Variants in PLS3 observed in about 807,000 individuals in gnomAD.
PLS3 encodes plastin 3, also known as plastin-3.
Under a neutral mutation model 46.5 loss-of-function variants are expected in PLS3, and 11 were observed. The ratio of observed to expected loss-of-function variants is 0.24; its 90% CI spans 0.15 to 0.39. PLS3 has a LOEUF of 0.39. Ranked by LOEUF, PLS3 falls within the 10% of genes least tolerant of loss-of-function variation. The pLI, the probability that PLS3 is intolerant of heterozygous loss-of-function variation, is 1.00. For synonymous variants in PLS3, 167 were observed against 162.2 expected (o/e 1.03, Z -0.22); for missense variants, 308 against 461.8 (o/e 0.67, Z 3.05).
chrX:115,618,943 G>A (rs2074622582), intron 2 of PLS3, among the ~76,000 whole-genome samples: 2 of 112,261 alleles, frequency 1.8e-5, no homozygotes, highest in African/African-American at 3.2e-5. Flanking sequence ...AGTGGACAAC[G>A]TTTTGATAGT....
chrX:115,577,807 A>G (rs781908713), intron 1 of PLS3, among the ~76,000 whole-genome samples: 1 of 111,321 alleles, frequency 9.0e-6, no homozygotes, highest in South Asian at 3.8e-4. Flanking sequence ...ACTGGATTTT[A>G]TCATTCTCAG....
At chrX:115,594,767 G>A (rs781995039) in intron 1 of PLS3, among the ~76,000 whole-genome samples, 2 of 109,922 alleles carry the variant, frequency 1.8e-5, no homozygotes, top group Non-Finnish European at 3.8e-5. Flanking sequence ...AAAGGAAACT[G>A]GTGGAAATAC....
At chrX:115,638,848 G>GACTA (rs1158321278) in intron 8 of PLS3, among the ~76,000 whole-genome samples, 1 of 109,267 alleles carries the variant, frequency 9.2e-6, no homozygotes, top group Non-Finnish European at 1.9e-5. Context: ...GAGTAGCTAG[G>GACTA]ACTACAGGCA....
chrX:115,645,418 G>A (rs911482682), intron 11 of PLS3, among the ~76,000 whole-genome samples: 1 of 110,352 alleles, frequency 9.1e-6, no homozygotes, highest in Non-Finnish European at 1.9e-5. Flanking sequence ...GCTTCAGTGA[G>A]CTATGGTTGT....
chrX:115,618,795 G>A (rs6643989), intron 2 of PLS3, among the ~76,000 whole-genome samples: 5,379 of 110,769 alleles, frequency 0.049, 153 homozygotes, highest in African/African-American at 0.1. Context: ...GGAGGCTGAG[G>A]CAGGAGAATC....
At chrX:115,615,487 CAGAGAGAGAGAG>C (rs72382307) in intron 2 of PLS3, among the ~76,000 whole-genome samples, 193 of 73,759 alleles carry the variant, frequency 2.6e-3, no homozygotes, top group Non-Finnish European at 3.2e-3. Flanking sequence ...CACGTGTCAT[CAGAGAGAGAGAG>C]AGAGAGAGAG....
intron 1 of PLS3, among the ~76,000 whole-genome samples, chrX:115,589,730 A>C (rs1422906195): frequency 8.9e-6 from 1 of 112,072 alleles, no homozygotes; most frequent in African/African-American, 3.2e-5. Flanking sequence ...TAAAAATACT[A>C]TGCCTAGCTT....
intron 15 of PLS3, among the ~76,000 whole-genome samples, chrX:115,648,691 G>A (rs2074975625): frequency 8.9e-6 from 1 of 111,756 alleles, no homozygotes; most frequent in Admixed American, 9.6e-5. Flanking sequence ...AAACTTTGGA[G>A]TTAGGCACAT....
chrX:115,594,123 C>T (rs2074365307), intron 1 of PLS3, among the ~76,000 whole-genome samples: 1 of 111,349 alleles, frequency 9.0e-6, no homozygotes, highest in African/African-American at 3.3e-5. Flanking sequence ...TATACTCTTC[C>T]TACGTGAGTT....
At chrX:115,572,852 G>A (rs1393337190) in intron 1 of PLS3, among the ~76,000 whole-genome samples, 1 of 110,991 alleles carries the variant, frequency 9.0e-6, no homozygotes, top group Non-Finnish European at 1.9e-5. Context: ...CCAGCAATTA[G>A]GGAGGCCGAG....
intron 1 of PLS3, among the ~76,000 whole-genome samples, chrX:115,599,852 T>C (rs2074426139): frequency 9.1e-6 from 1 of 109,988 alleles, no homozygotes; most frequent in African/African-American, 3.3e-5. Context: ...AGGATGGTCT[T>C]GATCTCTGAC....
chrX:115,563,553 GAAA>G (rs1280880996), intron 1 of PLS3, among the ~76,000 whole-genome samples: 1 of 108,216 alleles, frequency 9.2e-6, no homozygotes, highest in African/African-American at 3.3e-5. Flanking sequence ...TTGCTTATCT[GAAA>G]AAAAAAGAAA....
chrX:115,591,228 A>G (rs2074343408), intron 1 of PLS3, among the ~76,000 whole-genome samples: 1 of 112,775 alleles, frequency 8.9e-6, no homozygotes, highest in African/African-American at 3.2e-5. Flanking sequence ...GTCTATTCCT[A>G]GAACTTTAAC....
chrX:115,587,734 C>CAA (rs60273885), intron 1 of PLS3, among the ~76,000 whole-genome samples: 3 of 42,488 alleles, frequency 7.1e-5, no homozygotes, highest in Middle Eastern at 0.015. Context: ...GACTCCGTCT[C>CAA]AAAAAAAAAA....
At chrX:115,606,234 C>T (rs946565580) in intron 1 of PLS3, among the ~76,000 whole-genome samples, 4 of 83,117 alleles carry the variant, frequency 4.8e-5, no homozygotes, top group Non-Finnish European at 6.5e-5. Flanking sequence ...ACCTCTCAGG[C>T]TCAAGTGATT....
intron 5 of PLS3, among the ~76,000 whole-genome samples, chrX:115,631,943 A>G (rs782227680): frequency 1.3e-4 from 14 of 110,047 alleles, no homozygotes; most frequent in African/African-American, 4.3e-4. Context: ...AGCTGGGACT[A>G]CAGGTGCTCA....
At chrX:115,608,230 T>C (rs2074513610) in intron 1 of PLS3, among the ~76,000 whole-genome samples, 1 of 111,816 alleles carries the variant, frequency 8.9e-6, no homozygotes, top group Non-Finnish European at 1.9e-5. Flanking sequence ...CCCCTACCTC[T>C]CTATACTGAG....
intron 1 of PLS3, among the ~76,000 whole-genome samples, chrX:115,575,810 C>T (rs782559970): frequency 1.8e-5 from 2 of 111,688 alleles, no homozygotes; most frequent in African/African-American, 6.5e-5. Flanking sequence ...GACTTGTTCT[C>T]AATAACGTTT....
intron 1 of PLS3, chrX:115,593,674 A>G (rs1483617534): frequency 2.7e-5 from 3 of 111,784 alleles, no homozygotes; most frequent in African/African-American, 9.7e-5. Flanking sequence ...TAACTTTGAG[A>G]TTACTAAATC....
Sources: allele counts gnomAD v4.1 joint callset (sites outside exome capture counted in the v4.1 genomes callset), GRCh38; gene constraint gnomAD v4.1.1; transcripts MANE v1.5; gene names NCBI Gene and HGNC (gene_info 2026-07-23, HGNC 2026-07-21).